The following LARP1 variants were observed in gnomAD, a reference collection of about 807,000 sequenced individuals.
LARP1 encodes the protein la-related protein 1.
LARP1 carries 36 observed loss-of-function variants against 122.7 expected under a neutral mutation model. The observed-to-expected ratio is 0.29, with a 90% CI of 0.22 to 0.39. LARP1 has a LOEUF of 0.39. LARP1 is among the 10% of genes least tolerant of loss of function. The probability of loss-of-function intolerance (pLI) is 1.00; values close to 1 mark genes in which losing one functional copy is unlikely to be tolerated. For synonymous variants in LARP1, 539 were observed against 528.7 expected (o/e 1.02, Z -0.27); for missense variants, 1,040 against 1,403.6 (o/e 0.74, Z 4.14).
intron 1 of LARP1, among the ~76,000 whole-genome samples, chr5:154,781,635 A>G (rs1377951107): frequency 6.6e-6 from 1 of 152,162 alleles, no homozygotes; most frequent in East Asian, 1.9e-4. Flanking sequence ...ATGAGCTACT[A>G]CATGTAAAAA....
At chr5:154,690,555 C>T (rs1754143415) in intron 1 of LARP1, among the ~76,000 whole-genome samples, 1 of 152,192 alleles carries the variant, frequency 6.6e-6, no homozygotes, top group Non-Finnish European at 1.5e-5. Context: ...CTAGTGAGTA[C>T]CAGGGCAGAG....
At chr5:154,747,133 A>G (rs1336074772) in intron 1 of LARP1, among the ~76,000 whole-genome samples, 1 of 151,992 alleles carries the variant, frequency 6.6e-6, no homozygotes, top group African/African-American at 2.4e-5. Context: ...CTGTCTCAAA[A>G]CAAGCAAACA....
chr5:154,723,831 C>T (rs74862060), intron 1 of LARP1, among the ~76,000 whole-genome samples: 55,465 of 151,864 alleles, frequency 0.37, 11,577 homozygotes, highest in Non-Finnish European at 0.49. Context: ...GGACTTGTTG[C>T]GGAACAAGTG....
intron 1 of LARP1, among the ~76,000 whole-genome samples, chr5:154,773,917 G>A (rs1755650019): frequency 6.6e-6 from 1 of 152,132 alleles, no homozygotes; most frequent in East Asian, 1.9e-4. Flanking sequence ...AGTCAGGTTG[G>A]GACATAGAAA....
chr5:154,695,834 C>T, intron 1 of LARP1, among the ~76,000 whole-genome samples: 1 of 151,992 alleles, frequency 6.6e-6, no homozygotes, highest in Non-Finnish European at 1.5e-5. Context: ...GATCGTGCCG[C>T]TGCACTCCAG....
intron 1 of LARP1, among the ~76,000 whole-genome samples, chr5:154,750,199 T>G (rs1267153887): frequency 6.6e-6 from 1 of 152,278 alleles, no homozygotes; most frequent in Non-Finnish European, 1.5e-5. Flanking sequence ...TTGTTTTGTT[T>G]TGTTTTTGAG....
chr5:154,797,218 GTTGTTTTT>G lies in LARP1; in HGVS notation c.1377+1902_1377+1909del, dbSNP rs1394701789. 3.7e-3 allele frequency among the ~76,000 whole-genome samples: 242 copies of G among 66,214 alleles called. 5 individuals carry two copies. The highest frequency in any genetic ancestry group is 0.019 in the Admixed American group (123 of 6,344). The allele number at this position is 66,214 out of a possible 152,430, so 43.4% of individuals were successfully genotyped here. ...CATGGAGTTATTCTGTTTTGTTGTT[GTTGTTTTT>G]TTTTTTTTTTTTTTTTTTTTTTTTG... On this transcript the variant is annotated intron_variant, in intron 8 of 18. Transcript: ENST00000518297.
intron 1 of LARP1, among the ~76,000 whole-genome samples, chr5:154,783,326 GCTTGGTGGTAGTTTCC>G: frequency 6.6e-6 from 1 of 152,176 alleles, no homozygotes; most frequent in East Asian, 1.9e-4. Flanking sequence ...AACTGGGTGT[GCTTGGTGGTAGTTTCC>G]CTTGCCTCTC....
intron 16 of LARP1, 38 bp from the exon 17 acceptor site, chr5:154,811,209 A>G: frequency 6.7e-7 from 1 of 1,502,402 alleles, no homozygotes; most frequent in Non-Finnish European, 9.3e-7. Flanking sequence ...TTTACAGATG[A>G]AGAAACTGCC....
At chr5:154,696,208 T>A (rs764168412) in intron 1 of LARP1, among the ~76,000 whole-genome samples, 32 of 151,346 alleles carry the variant, frequency 2.1e-4, no homozygotes, top group Non-Finnish European at 4.4e-4. Flanking sequence ...AATTAAAAAA[T>A]TAGCCAGGCA....
At chr5:154,771,552 A>C (rs1755429976) in intron 1 of LARP1, among the ~76,000 whole-genome samples, 1 of 152,180 alleles carries the variant, frequency 6.6e-6, no homozygotes, top group East Asian at 1.9e-4. Context: ...CTCCCAGACC[A>C]CAGAATTGTA....
chr5:154,755,685 T>G lies in LARP1; in HGVS notation c.-73T>G. On this transcript the variant is annotated 5_prime_UTR_variant, in exon 1 of 19. Coordinates refer to ENST00000518297, the MANE Select transcript of LARP1 (RefSeq NM_033551.3). ...CCCCGGAGGAAGGCGTCGCGGGCGC[T>G]CTGCTAGCCAAGTTCGAGGCGGGGG... 1 of 987,070 alleles carries G rather than the reference T, an allele frequency of 1.0e-6. No homozygotes were observed. The highest frequency in any genetic ancestry group is 1.2e-6 in the Non-Finnish European group (1 of 830,036). The allele number at this position is 987,070 out of a possible 1,614,324, so 61.1% of individuals were successfully genotyped here.
At chr5:154,810,201 C>T (rs975353794) in intron 16 of LARP1, among the ~76,000 whole-genome samples, 2 of 151,696 alleles carry the variant, frequency 1.3e-5, no homozygotes, top group African/African-American at 2.4e-5. Context: ...TTTGGGAGTG[C>T]GAGGCAGGCA....
chr5:154,774,041 C>T (rs1169931660), intron 1 of LARP1, among the ~76,000 whole-genome samples: 1 of 150,870 alleles, frequency 6.6e-6, no homozygotes, highest in East Asian at 1.9e-4. Flanking sequence ...TTGTAGAAGC[C>T]TGGCTTCATT....
At chr5:154,779,032 C>T (rs1322675337) in intron 1 of LARP1, among the ~76,000 whole-genome samples, 3 of 149,994 alleles carry the variant, frequency 2.0e-5, no homozygotes, top group Admixed American at 6.8e-5. Flanking sequence ...CCCGCTTACC[C>T]CACCTTTTTT....
chr5:154,710,216 C>G (rs1755148292), upstream of LARP1, among the ~76,000 whole-genome samples: 1 of 152,284 alleles, frequency 6.6e-6, no homozygotes, highest in Middle Eastern at 3.4e-3. Flanking sequence ...AGTTGGGGAC[C>G]TCTGCACTAA....
At chr5:154,765,947 G>C (rs945622532) in intron 1 of LARP1, among the ~76,000 whole-genome samples, 2 of 152,216 alleles carry the variant, frequency 1.3e-5, no homozygotes, top group South Asian at 2.1e-4. Context: ...TCAAAATTCA[G>C]TATGGAATAT....
intron 1 of LARP1, among the ~76,000 whole-genome samples, chr5:154,740,918 G>A (rs1752843623): frequency 6.6e-6 from 1 of 152,186 alleles, no homozygotes; most frequent in Non-Finnish European, 1.5e-5. Context: ...TCAGGACAGT[G>A]ACAAGTCCTC....
At chr5:154,796,803 A>C (rs1249149261) in intron 8 of LARP1, among the ~76,000 whole-genome samples, 3 of 152,214 alleles carry the variant, frequency 2.0e-5, no homozygotes, top group African/African-American at 7.2e-5. Context: ...TAGTTTGTTC[A>C]GGAAGGGCAG....
Sources: gnomAD v4.1 joint callset for allele counts (sites outside exome capture counted in the v4.1 genomes callset) on GRCh38, gnomAD v4.1.1 for gene constraint, MANE v1.5 for transcripts, NCBI Gene and HGNC (gene_info 2026-07-23, HGNC 2026-07-21) for gene names.